The following BRD3 variants were observed in gnomAD, a reference collection of about 807,000 sequenced individuals.
BRD3 encodes the protein bromodomain-containing protein 3.
Under a neutral mutation model 66.8 loss-of-function variants are expected in BRD3, and 17 were observed. The ratio of observed to expected loss-of-function variants is 0.25; its 90% CI spans 0.17 to 0.38. The LOEUF (loss-of-function observed/expected upper bound fraction) is 0.38. BRD3 is among the 10% of genes least tolerant of loss of function. The pLI is 1.00. For missense variants in BRD3, 713 were observed against 956.1 expected (o/e 0.75, Z 3.35); for synonymous variants, 421 against 393.2 (o/e 1.07, Z -0.84).
rs1024622646 is a variant in BRD3, at chr9:134,031,050, C to T, written c.*2540G>A. On this transcript the variant is annotated 3_prime_UTR_variant, in exon 12 of 12. Coordinates refer to ENST00000303407, the MANE Select transcript of BRD3 (RefSeq NM_007371.4). Reference sequence around the variant, plus strand: ...TGAGGAAGTCATTAATCCTTCGAAACTCTGAAAAGAAACCAGTGTTGAAGT... The same window carrying T: ...TGAGGAAGTCATTAATCCTTCGAAATTCTGAAAAGAAACCAGTGTTGAAGT... 8.7e-6 allele frequency: 2 copies of T among 230,744 alleles called. No individual in the cohort carries two copies. Among genetic ancestry groups the T allele is most frequent in the Non-Finnish European group, 1.7e-5 (2 of 116,558 alleles). 14.3% of individuals were successfully genotyped at this position (230,744 alleles called of 1,614,324 possible).
Position 134,045,156 on chromosome 9 carries a change from GA to G in BRD3, c.1215+136del. 44 of 1,279,558 alleles carry G rather than the reference GA, an allele frequency of 3.4e-5. No homozygotes were observed. The highest frequency in any genetic ancestry group is 5.1e-5 in the East Asian group (2 of 39,066). 79.3% of individuals were successfully genotyped at this position (1,279,558 alleles called of 1,614,324 possible). A position where few individuals can be genotyped will look rare whatever the true frequency, so the allele number is the denominator to read the frequency against. ...TGACAGGGACCTGGTTGGCACTCGG[GA>G]AAAAGGTGTTGAGGGAATGAGGCTC... On this transcript the variant is annotated intron_variant, in intron 7 of 11. Coordinates refer to ENST00000303407, the MANE Select transcript of BRD3 (RefSeq NM_007371.4). The surrounding 1 kb of genome is among the most constrained non-coding windows in gnomAD (Gnocchi z 4.8).
intron 1 of BRD3, among the ~76,000 whole-genome samples, chr9:134,062,007 G>C (rs558723776): frequency 1.2e-4 from 18 of 152,338 alleles, no homozygotes; most frequent in Middle Eastern, 3.4e-3. Context: ...CACCCTCCAG[G>C]ACTCGGGAAA....
At position 134,030,766 on chromosome 9, in the gene BRD3, T is replaced by A; in HGVS notation, c.*2824A>T. On this transcript the variant is annotated 3_prime_UTR_variant, in exon 12 of 12. Coordinates refer to ENST00000303407, the MANE Select transcript of BRD3 (RefSeq NM_007371.4). ...TGTGTCTTACAGTTTGTAAGCAAGA[T>A]GACACTGCCCAACACAAAGAGGGGT... The A allele has an allele frequency of 4.3e-6, 1 of 231,988 alleles. No individual in the cohort carries two copies. The highest frequency in any genetic ancestry group is 8.5e-6 in the Non-Finnish European group (1 of 117,224). The allele number at this position is 231,988 out of a possible 1,614,324, so 14.4% of individuals were successfully genotyped here.
chr9:134,044,333 C>T (rs1207960821), intron 7 of BRD3, among the ~76,000 whole-genome samples: 1 of 152,156 alleles, frequency 6.6e-6, no homozygotes, highest in Non-Finnish European at 1.5e-5. Context: ...ACAGGGGGAA[C>T]GAGTTTCTCT....
intron 5 of BRD3, 130 bp downstream of exon 5, chr9:134,050,244 G>C (rs988946364): frequency 1.2e-6 from 1 of 800,918 alleles, no homozygotes; most frequent in African/African-American, 1.7e-5. Context: ...CTCCCAGGGC[G>C]CAGAGAGAAA....
chr9:134,060,110 C>T (rs1193087931), intron 1 of BRD3, among the ~76,000 whole-genome samples: 1 of 152,248 alleles, frequency 6.6e-6, no homozygotes, highest in Non-Finnish European at 1.5e-5. Context: ...AGCCCACAGG[C>T]ACTGCCTGCC....
chr9:134,041,654 G>T, intron 8 of BRD3, 106 bp downstream of exon 8: 1 of 1,368,774 alleles, frequency 7.3e-7, no homozygotes, highest in Non-Finnish European at 9.8e-7. Flanking sequence ...CGGCTGCTGA[G>T]GGACAGGGGC....
At chr9:134,038,940 A>G (rs1264654698) in intron 9 of BRD3, among the ~76,000 whole-genome samples, 1 of 152,178 alleles carries the variant, frequency 6.6e-6, no homozygotes, top group Non-Finnish European at 1.5e-5. Context: ...TCTGCCTCCA[A>G]AAAGGAGAGA....
intron 1 of BRD3, 181 bp from the exon 2 acceptor site, chr9:134,053,771 G>T: frequency 2.0e-6 from 1 of 511,720 alleles, no homozygotes; most frequent in Non-Finnish European, 3.4e-6. Context: ...CAGGCGAAGC[G>T]CGACCAGCTC....
chr9:134,059,360 C>A (rs554800819), intron 1 of BRD3, among the ~76,000 whole-genome samples: 35 of 152,296 alleles, frequency 2.3e-4, no homozygotes, highest in African/African-American at 4.6e-4. Context: ...CACCTTCATG[C>A]GATGGGGAAT....
chr9:134,042,185 G>C (rs1830064463), intron 7 of BRD3, among the ~76,000 whole-genome samples: 1 of 152,164 alleles, frequency 6.6e-6, no homozygotes, highest in Non-Finnish European at 1.5e-5. Context: ...GGACACAGGA[G>C]CTGGCCCACA....
rs1447932080 is a variant in BRD3, at chr9:134,048,226, A to G, written c.943T>C (p.Cys315Arg). 6.2e-7 allele frequency: 1 copy of G among 1,612,834 alleles called. No individual in the cohort carries two copies. The highest frequency in any genetic ancestry group is 2.2e-5 in the East Asian group (1 of 44,872). Residue 315 changes from cysteine to arginine, a missense_variant, in exon 6 of 12, where the codon TGC (cysteine) becomes CGC (arginine). Cys to Arg is a radical substitution (Grantham distance 180, BLOSUM62 -3). Transcript: ENST00000303407. ...AGCATCTCCCTGAGGATGCTGTCGC[A>G]GTAGCGTAGGTGCTCCGACAGCTTG... ...KGKLSEHLRY[C>R]DSILREMLSK...
Position 134,050,584 on chromosome 9 carries a change from T to G in BRD3, c.504A>C (p.Thr168=). 1 of 1,606,266 alleles carries G rather than the reference T, an allele frequency of 6.2e-7. No individual in the cohort carries two copies. Among genetic ancestry groups the G allele is most frequent in the South Asian group, 1.1e-5 (1 of 90,738 alleles). The change falls in exon 5 of 12, where the codon ACA becomes ACC. Residue 168 remains threonine (T), a synonymous_variant. Coordinates refer to ENST00000303407, the MANE Select transcript of BRD3 (RefSeq NM_007371.4). ...CAGAGGACACGGCCGCCACTTGCTGTGTACCTTCAAGACAAGGAAGGGATG... is the reference window on the plus strand; with the variant it reads ...CAGAGGACACGGCCGCCACTTGCTGGGTACCTTCAAGACAAGGAAGGGATG... ...KPAAGAQSAG[T]QQVAAVSSVS...
chr9:134,050,044 G>C (rs889816539), intron 5 of BRD3, among the ~76,000 whole-genome samples: 1 of 152,218 alleles, frequency 6.6e-6, no homozygotes, highest in Non-Finnish European at 1.5e-5. Flanking sequence ...AGTGTGAGCA[G>C]GGGAGGACCG....
intron 1 of BRD3, among the ~76,000 whole-genome samples, chr9:134,067,726 C>A (rs1244864601): frequency 2.1e-4 from 30 of 145,360 alleles, no homozygotes; most frequent in Middle Eastern, 3.2e-3. Context: ...ACCGCCGCCG[C>A]CACCGCCGCC....
rs1830297789 is a variant in BRD3 at position 134,051,598 on chromosome 9, T to C, written c.463A>G (p.Lys155Glu). ...GCTCCCGCAGCCGGCTTCCGACCTT[T>C]GCCCTTTGGAGCAGGGGGTAATAAT... ...VELLPPAPKG[K>E]GRKPAAGAQS... The change falls in exon 4 of 12, where the codon AAA becomes GAA. Residue 155 changes from lysine to glutamate, a missense_variant. Physicochemically the swap from Lys to Glu is moderately conservative, Grantham distance 56 (BLOSUM62 1). Around this residue, in one of 5 missense-constraint regions of BRD3, gnomAD observed 120 missense variants for 122.8 expected, o/e 0.98. Coordinates refer to ENST00000303407, the MANE Select transcript of BRD3 (RefSeq NM_007371.4). 1 of 1,573,204 alleles carries C rather than the reference T, an allele frequency of 6.4e-7. No homozygotes were observed. Among genetic ancestry groups the C allele is most frequent in the Non-Finnish European group, 8.6e-7 (1 of 1,167,172 alleles).
chr9:134,059,485 T>G (rs981219917), intron 1 of BRD3, among the ~76,000 whole-genome samples: 3 of 152,168 alleles, frequency 2.0e-5, no homozygotes, highest in East Asian at 3.9e-4. Context: ...CCTTAAAGTC[T>G]AGACACGAGA....
chr9:134,042,792 TACACACACACACAC>T lies in BRD3; in HGVS notation c.1216-855_1216-842del, dbSNP rs58646444. 8.9e-3 allele frequency among the ~76,000 whole-genome samples: 1,319 copies of T among 147,920 alleles called. 26 individuals carry two copies. The highest frequency in any genetic ancestry group is 0.032 in the African/African-American group (1,233 of 39,068). On this transcript the variant is annotated intron_variant, in intron 7 of 11. Transcript: ENST00000303407. ...ACACACACATATATATACACAAATA[TACACACACACACAC>T]ACACACACACACATTTTTAAGTTTT...
intron 2 of BRD3, 96 bp from the exon 3 acceptor site, chr9:134,052,539 G>A: frequency 2.1e-6 from 3 of 1,395,414 alleles, no homozygotes; most frequent in Non-Finnish European, 2.9e-6. Flanking sequence ...CAAGTGGACT[G>A]AGGACTGGGG....
Sources: allele counts gnomAD v4.1 joint callset (sites outside exome capture counted in the v4.1 genomes callset), GRCh38; gene constraint gnomAD v4.1.1; regional missense constraint gnomAD v4.1.1; non-coding constraint Gnocchi (gnomAD v3.1); transcripts MANE v1.5; gene names NCBI Gene and HGNC (gene_info 2026-07-23, HGNC 2026-07-21).